Variants in LTBP1 observed in about 807,000 individuals in gnomAD.
LTBP1 encodes the protein latent transforming growth factor beta binding protein 1.
LTBP1 carries 129 observed loss-of-function variants against 207.6 expected under a neutral mutation model. The ratio of observed to expected loss-of-function variants is 0.62; its 90% CI spans 0.54 to 0.72. The LOEUF (loss-of-function observed/expected upper bound fraction) is 0.72. Among genes scored for constraint, LTBP1 ranks in the 30% least tolerant of loss-of-function variants. The pLI, the probability that LTBP1 is intolerant of heterozygous loss-of-function variation, is 0.00. For synonymous variants in LTBP1, 963 were observed against 833.7 expected, an observed-to-expected ratio of 1.16 and a Z score of -2.67; for missense variants, 2,281 against 2,217.2, an observed-to-expected ratio of 1.03 and a Z score of -0.58.
At chr2:33,162,600 G>A (rs2084563133) in intron 5 of LTBP1, among the ~76,000 whole-genome samples, 1 of 152,172 alleles carries the variant, frequency 6.6e-6, no homozygotes, top group Admixed American at 6.5e-5. Context: ...TTATTGATCA[G>A]CTCATGAGCA....
At position 33,167,499 on chromosome 2, in the gene LTBP1, C is replaced by T. The variant is rs183952092; in HGVS notation, c.1202-19357C>T. On this transcript the variant is annotated intron_variant, in intron 5 of 33. Coordinates refer to ENST00000404816, the MANE Select transcript of LTBP1 (RefSeq NM_206943.4). ...TTCTGGAACTCATATGCTTTTGGAG[C>T]AGTCAGATGTGAACCCAGACAATTA... Among the ~76,000 whole-genome samples the T allele has an allele frequency of 5.8e-4, 89 of 152,336 alleles. 1 individual carries two copies. The highest frequency in any genetic ancestry group is 6.8e-4 in the Non-Finnish European group (46 of 68,036).
chr2:33,138,358 C>T (rs1192588148), intron 5 of LTBP1, among the ~76,000 whole-genome samples: 4 of 152,070 alleles, frequency 2.6e-5, no homozygotes, highest in Non-Finnish European at 5.9e-5. Flanking sequence ...TAGAAGAGCC[C>T]ATTTTTATGG....
intron 19 of LTBP1, among the ~76,000 whole-genome samples, chr2:33,285,036 T>G (rs988496654): frequency 9.8e-6 from 1 of 102,392 alleles, no homozygotes. Flanking sequence ...TATCACATTC[T>G]TTTTTTTTTT....
At chr2:33,221,053 A>C (rs946948507) in intron 8 of LTBP1, among the ~76,000 whole-genome samples, 1 of 152,038 alleles carries the variant, frequency 6.6e-6, no homozygotes, top group African/African-American at 2.4e-5. Flanking sequence ...TCCTCTTTCA[A>C]GTCTTTTTTA....
chr2:33,329,115 G>A (rs2094464452), intron 24 of LTBP1, among the ~76,000 whole-genome samples: 1 of 152,144 alleles, frequency 6.6e-6, no homozygotes, highest in South Asian at 2.1e-4. Context: ...CAGAGTACCA[G>A]TTTACACTGC....
chr2:33,046,378 G>T (rs1178732480), intron 3 of LTBP1, among the ~76,000 whole-genome samples: 11 of 152,132 alleles, frequency 7.2e-5, no homozygotes, highest in Admixed American at 6.5e-4. Flanking sequence ...TAATTATGTG[G>T]TTTTTGTCGT....
At chr2:33,161,181 A>G (rs77917337) in intron 5 of LTBP1, among the ~76,000 whole-genome samples, 2,274 of 152,266 alleles carry the variant, frequency 0.015, 22 homozygotes, top group East Asian at 0.027. Context: ...TAATAGCTAT[A>G]ATACCCTGTA....
At chr2:32,983,143 C>T (rs1230974830) in intron 2 of LTBP1, among the ~76,000 whole-genome samples, 2 of 152,076 alleles carry the variant, frequency 1.3e-5, no homozygotes, top group Non-Finnish European at 2.9e-5. Context: ...CTGTGGGAGC[C>T]CATCTCTTGT....
At chr2:32,978,298 T>G (rs994812282) in intron 2 of LTBP1, among the ~76,000 whole-genome samples, 8 of 152,214 alleles carry the variant, frequency 5.3e-5, no homozygotes, top group Non-Finnish European at 1.0e-4. Context: ...GTTCCAGATC[T>G]TTTCCCCATT....
At position 33,274,906 on chromosome 2, in the gene LTBP1, A is replaced by G. The variant is rs183095754; in HGVS notation, c.2744-59A>G. The G allele has an allele frequency of 6.9e-5, 108 of 1,554,152 alleles. No individual in the cohort carries two copies. The African/African-American group carries it at 1.2e-3, about 18-fold the overall frequency. On this transcript the variant is annotated intron_variant, in intron 16 of 33. Transcript: ENST00000404816. ...ATAGTATGATGGTATTTTACAGAAC[A>G]GGGAAACTAAGTTCTTGCTACACAG... is the stretch of plus-strand genomic sequence containing the variant.
intron 24 of LTBP1, chr2:33,332,963 T>G (rs2094514366): frequency 6.6e-6 from 1 of 152,162 alleles, no homozygotes; most frequent in Non-Finnish European, 1.5e-5. Context: ...GGGTCGGGCC[T>G]CATTAGTACT....
intron 31 of LTBP1, among the ~76,000 whole-genome samples, chr2:33,365,725 C>T (rs529508896): frequency 1.1e-4 from 17 of 151,796 alleles, no homozygotes; most frequent in African/African-American, 4.1e-4. Context: ...TTGAAACTCT[C>T]ATTCCATTAC....
Position 33,342,928 on chromosome 2 carries a change from G to T in LTBP1, c.3821G>T (p.Gly1274Val), listed in dbSNP as rs779710477. The change falls in exon 25 of 34, where the codon GGC becomes GTC. Residue 1274 changes from glycine (G) to valine (V), a missense_variant. By Grantham distance (109) the Gly-to-Val change is moderately radical. Coordinates refer to ENST00000404816, the MANE Select transcript of LTBP1 (RefSeq NM_206943.4). ...AGSFRCLCYQ[G>V]FQAPQDGQGC... ...TCCTTCCGCTGCCTCTGTTATCAGG[G>T]CTTTCAAGCCCCACAGGATGGGCAA... 2 of 1,613,996 alleles carry T rather than the reference G, an allele frequency of 1.2e-6. No homozygotes were observed. Among genetic ancestry groups the T allele is most frequent in the Non-Finnish European group, 1.7e-6 (2 of 1,179,902 alleles).
intron 5 of LTBP1, among the ~76,000 whole-genome samples, chr2:33,168,195 C>A (rs570499835): frequency 6.6e-6 from 1 of 151,932 alleles, no homozygotes; most frequent in African/African-American, 2.4e-5. Flanking sequence ...GCCTGGGCAA[C>A]ATAGTGTGAC....
intron 2 of LTBP1, among the ~76,000 whole-genome samples, chr2:32,954,295 G>A (rs534652298): frequency 6.6e-6 from 1 of 152,202 alleles, no homozygotes; most frequent in Non-Finnish European, 1.5e-5. Context: ...TCTGTAACAA[G>A]TTCCACAAGC....
intron 2 of LTBP1, among the ~76,000 whole-genome samples, chr2:32,978,198 G>A (rs1284680042): frequency 1.3e-5 from 2 of 152,046 alleles, no homozygotes; most frequent in African/African-American, 4.8e-5. Context: ...CAATTCGGAT[G>A]CCCTTTATTT....
chr2:33,001,052 A>G (rs571839747), intron 2 of LTBP1, among the ~76,000 whole-genome samples: 5 of 134,478 alleles, frequency 3.7e-5, no homozygotes, highest in African/African-American at 1.3e-4. Flanking sequence ...CCTTGTGACC[A>G]CCTGTCCTTC....
intron 9 of LTBP1, 38 bp from the exon 10 acceptor site, chr2:33,243,624 C>T (rs1558874052): frequency 6.2e-7 from 1 of 1,608,564 alleles, no homozygotes; most frequent in East Asian, 2.2e-5. Flanking sequence ...CTCAATGGGG[C>T]TTGACTGCTC....
chr2:33,190,708 A>G (rs531799870), intron 7 of LTBP1, among the ~76,000 whole-genome samples: 3 of 152,288 alleles, frequency 2.0e-5, no homozygotes, highest in Non-Finnish European at 4.4e-5. Flanking sequence ...CTTAGAGAAT[A>G]TTTATCAAGA....
Sources: allele counts gnomAD v4.1 joint callset (sites outside exome capture counted in the v4.1 genomes callset), GRCh38; gene constraint gnomAD v4.1.1; transcripts MANE v1.5; gene names NCBI Gene and HGNC (gene_info 2026-07-23, HGNC 2026-07-21).